USP6NL: variants seen among roughly 807,000 people sequenced by gnomAD.
The protein encoded by USP6NL is USP6 N-terminal-like protein.
Under a neutral mutation model 61.9 loss-of-function variants are expected in USP6NL, and 26 were observed. The ratio of observed to expected loss-of-function variants is 0.42; its 90% CI spans 0.31 to 0.58. The LOEUF (loss-of-function observed/expected upper bound fraction) is 0.58, where lower values mean the gene tolerates loss of function less well. Among genes scored for constraint, USP6NL ranks in the 20% least tolerant of loss-of-function variants. The probability of loss-of-function intolerance (pLI) is 0.16; values close to 1 mark genes in which losing one functional copy is unlikely to be tolerated. For synonymous variants in USP6NL, 432 were observed against 390.1 expected (o/e 1.11, Z -1.27); for missense variants, 1,114 against 1,034.3 (o/e 1.08, Z -1.06).
In USP6NL at chr10:11,490,988, T is replaced by A. The variant is rs562740820; in HGVS notation, c.495-108A>T. On this transcript the variant is annotated intron_variant, in intron 8 of 14. Coordinates refer to ENST00000609104, the MANE Select transcript of USP6NL (RefSeq NM_014688.5). This position sits in a 1 kb window ranked among gnomAD's most constrained non-coding sequence, Gnocchi z 4.5. ...ACTGACTGAAAACAGATAATCCAGA[T>A]AAAATTACTAATGTAATAAATTATC... is the stretch of plus-strand genomic sequence containing the variant. The A allele has an allele frequency of 1.7e-4, 154 of 924,174 alleles. No individual in the cohort carries two copies. The African/African-American group carries it at 2.5e-3, about 15-fold the overall frequency. 57.2% of individuals were successfully genotyped at this position (924,174 alleles called of 1,614,324 possible). A position where few individuals can be genotyped will look rare whatever the true frequency, so the allele number is the denominator to read the frequency against.
rs930918515 is a variant in USP6NL, at chr10:11,487,704, G to T, written c.664+1398C>A. Among the ~76,000 whole-genome samples the T allele has an allele frequency of 6.6e-6, 1 of 152,062 alleles. No homozygotes were observed. The highest frequency in any genetic ancestry group is 1.5e-5 in the Non-Finnish European group (1 of 68,016). On this transcript the variant is annotated intron_variant, in intron 10 of 14. Coordinates refer to ENST00000609104, the MANE Select transcript of USP6NL (RefSeq NM_014688.5). The surrounding 1 kb of genome is among the most constrained non-coding windows in gnomAD (Gnocchi z 4.2). The stretch of plus-strand genomic sequence containing the variant: ...TCTTACTTTTAGAGCCTATTTACTA[G>T]ATGCAAAGCGCCCAGACCCAGTTAC...
intron 6 of USP6NL, among the ~76,000 whole-genome samples, chr10:11,505,293 G>A (rs1834385446): frequency 6.6e-6 from 1 of 152,156 alleles, no homozygotes; most frequent in Non-Finnish European, 1.5e-5. Context: ...AACACTTTCT[G>A]ATTATTTATT....
At position 11,527,513 on chromosome 10, in the gene USP6NL, G is replaced by C; in HGVS notation, c.59C>G (p.Ala20Gly). Reference protein sequence around the residue: ...KLAQERAEIVAKYDRGREGAE... With the variant: ...KLAQERAEIVGKYDRGREGAE... The stretch of plus-strand genomic sequence containing the variant: ...ATGGATACTTACTCTGTCATATTTA[G>C]CAACTATTTCAGCTCGCTCCTGGGC... The change falls in exon 3 of 15, where the codon GCT (alanine) becomes GGT (glycine). Residue 20 changes from alanine (A) to glycine (G), a missense_variant. By Grantham distance (60) the Ala-to-Gly change is moderately conservative (BLOSUM62 0). Coordinates refer to ENST00000609104, the MANE Select transcript of USP6NL (RefSeq NM_014688.5). 6.2e-7 allele frequency: 1 copy of C among 1,606,514 alleles called. No individual in the cohort carries two copies. The highest frequency in any genetic ancestry group is 8.5e-7 in the Non-Finnish European group (1 of 1,176,136).
Position 11,463,954 on chromosome 10 carries a change from A to G in USP6NL, c.1079-105T>C. On this transcript the variant is annotated intron_variant, in intron 14 of 14. Transcript: ENST00000609104. This position sits in a 1 kb window ranked among gnomAD's most constrained non-coding sequence, Gnocchi z 6.3. The stretch of plus-strand genomic sequence containing the variant: ...GCATGCTTTTCATCTGTGCACAGAT[A>G]CACGCTGACATACAACACACTGTCA... 9.7e-7 allele frequency: 1 copy of G among 1,032,334 alleles called. No individual in the cohort carries two copies. The highest frequency in any genetic ancestry group is 1.4e-6 in the Non-Finnish European group (1 of 721,504). The allele number at this position is 1,032,334 out of a possible 1,614,324, so 63.9% of individuals were successfully genotyped here.
rs1011130043 is a variant in USP6NL, at chr10:11,484,590, C to G, written c.925+381G>C. ...CTCTCCAGCCTTTTGAACTAAGGGG[C>G]CTGGTTTCTTTGGTCTTCCTTCTCT... On this transcript the variant is annotated intron_variant, in intron 13 of 14. Transcript: ENST00000609104. Among the ~76,000 whole-genome samples the G allele has an allele frequency of 2.6e-5, 4 of 152,204 alleles. No individual in the cohort carries two copies. The East Asian group carries it at 7.7e-4, about 29-fold the overall frequency.
chr10:11,552,148 T>C (rs1165839915), intron 2 of USP6NL, among the ~76,000 whole-genome samples: 1 of 152,194 alleles, frequency 6.6e-6, no homozygotes, highest in Non-Finnish European at 1.5e-5. Flanking sequence ...TTGAATGTGC[T>C]TAGAGGCGTG....
At chr10:11,472,496 C>A (rs1220495783) in intron 14 of USP6NL, among the ~76,000 whole-genome samples, 1 of 152,264 alleles carries the variant, frequency 6.6e-6, no homozygotes, top group Non-Finnish European at 1.5e-5. Flanking sequence ...GAAGAATACA[C>A]ACACTCTGAC....
intron 2 of USP6NL, among the ~76,000 whole-genome samples, chr10:11,556,102 T>A (rs529843575): frequency 7.2e-5 from 11 of 152,246 alleles, no homozygotes; most frequent in Non-Finnish European, 1.6e-4. Flanking sequence ...ACTAAACACA[T>A]GGGGTTTACT....
intron 6 of USP6NL, among the ~76,000 whole-genome samples, chr10:11,507,662 A>G (rs570461699): frequency 2.3e-4 from 35 of 152,364 alleles, no homozygotes; most frequent in Non-Finnish European, 5.0e-4. Context: ...ATAATCCTAC[A>G]GTAAAGAAAG....
rs1053935358 is a variant in USP6NL at position 11,489,669 on chromosome 10, C to G, written c.544-447G>C. Among the ~76,000 whole-genome samples, 2 of 152,190 alleles carry G rather than the reference C, an allele frequency of 1.3e-5. No individual in the cohort carries two copies. The highest frequency in any genetic ancestry group is 2.4e-5 in the African/African-American group (1 of 41,436). On this transcript the variant is annotated intron_variant, in intron 9 of 14. Coordinates refer to ENST00000609104, the MANE Select transcript of USP6NL (RefSeq NM_014688.5). This position sits in a 1 kb window ranked among gnomAD's most constrained non-coding sequence, Gnocchi z 5.7. ...CCCATGCACAGTCTATGCCTCCTCT[C>G]TAAGAAATACCCACTCTCCCCATAG...
chr10:11,518,338 T>C lies in USP6NL; in HGVS notation c.195+197A>G, dbSNP rs755612173. Among the ~76,000 whole-genome samples, 30 of 152,164 alleles carry C rather than the reference T, an allele frequency of 2.0e-4. No individual in the cohort carries two copies. Among genetic ancestry groups the C allele is most frequent in the Non-Finnish European group, 3.7e-4 (25 of 68,022 alleles). The stretch of plus-strand genomic sequence containing the variant: ...TAGAATGAAGTCTGCCAACTACCTA[T>C]CAGAATCTCCTAAAATCTCCTAATA... On this transcript the variant is annotated intron_variant, in intron 5 of 14. Coordinates refer to ENST00000609104, the MANE Select transcript of USP6NL (RefSeq NM_014688.5). The surrounding 1 kb of genome is among the most constrained non-coding windows in gnomAD (Gnocchi z 5.3).
In USP6NL at chr10:11,491,256, A is replaced by C. The variant is rs1275229231; in HGVS notation, c.495-376T>G. On this transcript the variant is annotated intron_variant, in intron 8 of 14. Transcript: ENST00000609104. This position sits in a 1 kb window ranked among gnomAD's most constrained non-coding sequence, Gnocchi z 4.7. Reference sequence around the variant, plus strand: ...CAGCAAGGTACAATACCCTGCAGGGAAAGGGTGATGTCCTTGGGATGCTGA... The same window carrying C: ...CAGCAAGGTACAATACCCTGCAGGGCAAGGGTGATGTCCTTGGGATGCTGA... 6.6e-6 allele frequency among the ~76,000 whole-genome samples: 1 copy of C among 152,140 alleles called. No homozygotes were observed. The highest frequency in any genetic ancestry group is 2.4e-5 in the African/African-American group (1 of 41,420).
At chr10:11,555,109 G>GTTT (rs1187617728) in intron 2 of USP6NL, among the ~76,000 whole-genome samples, 1 of 85,570 alleles carries the variant, frequency 1.2e-5, no homozygotes, top group Non-Finnish European at 2.4e-5. Context: ...TTTTTTTTTG[G>GTTT]TTTTTTTTTT....
intron 1 of USP6NL, among the ~76,000 whole-genome samples, chr10:11,605,431 T>C (rs569498829): frequency 6.6e-6 from 1 of 152,140 alleles, no homozygotes; most frequent in East Asian, 1.9e-4. Context: ...ATGAAAAAAA[T>C]CCTTACCTAA....
intron 2 of USP6NL, among the ~76,000 whole-genome samples, chr10:11,547,589 A>G (rs559615523): frequency 3.2e-4 from 48 of 149,340 alleles, no homozygotes; most frequent in Admixed American, 8.8e-4. Flanking sequence ...GCCCACGCTG[A>G]AGTGCAGTGG....
chr10:11,477,603 A>G (rs1591823683), intron 14 of USP6NL, among the ~76,000 whole-genome samples: 1 of 152,352 alleles, frequency 6.6e-6, no homozygotes, highest in East Asian at 1.9e-4. Context: ...AAGGCTTCCA[A>G]ATTATGAGGA....
chr10:11,549,163 G>A (rs1301031264), intron 2 of USP6NL, among the ~76,000 whole-genome samples: 4 of 151,936 alleles, frequency 2.6e-5, no homozygotes, highest in East Asian at 1.9e-4. Flanking sequence ...AAATTTAAAT[G>A]GTTTATTATC....
Position 11,525,807 on chromosome 10 carries a change from C to T in USP6NL, c.73-339G>A, listed in dbSNP as rs1054206170. Among the ~76,000 whole-genome samples the T allele has an allele frequency of 6.6e-6, 1 of 152,176 alleles. No homozygotes were observed. Among genetic ancestry groups the T allele is most frequent in the Non-Finnish European group, 1.5e-5 (1 of 68,030 alleles). On this transcript the variant is annotated intron_variant, in intron 3 of 14. Transcript: ENST00000609104. The surrounding 1 kb of genome is among the most constrained non-coding windows in gnomAD (Gnocchi z 5.0). ...AGCCACTCCAGAAGAAACTGCCGAA[C>T]CTTACAGTTCTAGACCAAACACGTC... is the stretch of plus-strand genomic sequence containing the variant.
At position 11,463,432 on chromosome 10, in the gene USP6NL, G is replaced by A. The variant is rs758480334; in HGVS notation, c.1496C>T (p.Thr499Ile). ...TTTGCCTTCCATGGTGTATTTGGCA[G>A]TTCTCTCTGTAGCTGAGACGTCTGA... ...KPSDVSATERTAKYTMEGKGR... is the reference protein window; with the variant it reads ...KPSDVSATERIAKYTMEGKGR... The change falls in exon 15 of 15, where the codon ACT becomes ATT. Residue 499 changes from threonine (T) to isoleucine (I), a missense_variant. Transcript: ENST00000609104. This position sits in a 1 kb window ranked among gnomAD's most constrained non-coding sequence, Gnocchi z 6.3. 1 of 1,614,076 alleles carries A rather than the reference G, an allele frequency of 6.2e-7. No homozygotes were observed.
Sources: gnomAD v4.1 joint callset for allele counts (sites outside exome capture counted in the v4.1 genomes callset) on GRCh38, gnomAD v4.1.1 for gene constraint, Gnocchi (gnomAD v3.1) non-coding constraint, MANE v1.5 for transcripts, NCBI Gene and HGNC (gene_info 2026-07-23, HGNC 2026-07-21) for gene names.